PRKCE: variants seen among roughly 807,000 people sequenced by gnomAD.
The protein encoded by PRKCE is protein kinase C epsilon type.
A neutral mutation model predicts 85.4 loss-of-function variants in PRKCE; 16 were observed. That is an observed-to-expected ratio of 0.19 (90% CI 0.13 to 0.28). The LOEUF is 0.28. Among genes scored for constraint, PRKCE ranks in the 10% least tolerant of loss-of-function variants. PRKCE has a pLI of 1.00. For missense variants in PRKCE, 573 were observed against 975.2 expected, an observed-to-expected ratio of 0.59 and a Z score of 5.49; for synonymous variants, 388 against 371.5, an observed-to-expected ratio of 1.04 and a Z score of -0.51.
chr2:46,012,863 G>A (rs1705805369), intron 10 of PRKCE, among the ~76,000 whole-genome samples: 2 of 152,190 alleles, frequency 1.3e-5, no homozygotes, highest in South Asian at 2.1e-4. Context: ...TAACACCAGG[G>A]ATTTCTTTTA....
At chr2:46,035,560 A>G (rs1269122529) in intron 10 of PRKCE, among the ~76,000 whole-genome samples, 1 of 152,038 alleles carries the variant, frequency 6.6e-6, no homozygotes, top group Non-Finnish European at 1.5e-5. Context: ...GAAATGAAAA[A>G]CCATTAGAGG....
At chr2:45,716,077 A>G (rs527384817) in intron 1 of PRKCE, among the ~76,000 whole-genome samples, 2 of 151,930 alleles carry the variant, frequency 1.3e-5, no homozygotes, top group Non-Finnish European at 2.9e-5. Flanking sequence ...CTTTCTCTCC[A>G]TTGTCTTTCT....
At chr2:45,957,245 T>C (rs1159435054) in intron 2 of PRKCE, among the ~76,000 whole-genome samples, 1 of 152,252 alleles carries the variant, frequency 6.6e-6, no homozygotes, top group African/African-American at 2.4e-5. Flanking sequence ...TCCACTGTTT[T>C]ATAGTTTAGG....
At position 46,184,969 on chromosome 2, in the gene PRKCE, T is replaced by A; in HGVS notation, c.*88T>A. The A allele has an allele frequency of 2.0e-6, 3 of 1,516,264 alleles. No homozygotes were observed. Among genetic ancestry groups the A allele is most frequent in the South Asian group, 1.2e-5 (1 of 82,950 alleles). 93.9% of individuals were successfully genotyped at this position (1,516,264 alleles called of 1,614,324 possible). A position where few individuals can be genotyped will look rare whatever the true frequency, so the allele number is the denominator to read the frequency against. ...TGGAGACACTCAGCAGGTCTTGAAC[T>A]ACTTCTCCTCCTCGGAGCCCCAGTC... On this transcript the variant is annotated 3_prime_UTR_variant, in exon 15 of 15. Transcript: ENST00000306156. The surrounding 1 kb of genome is among the most constrained non-coding windows in gnomAD (Gnocchi z 5.0).
chr2:45,953,461 G>A (rs1286112081), intron 2 of PRKCE, among the ~76,000 whole-genome samples: 1 of 152,052 alleles, frequency 6.6e-6, no homozygotes, highest in Non-Finnish European at 1.5e-5. Context: ...TCCCTGAACA[G>A]CCAGCTACCG....
At chr2:46,152,330 C>T (rs1247498391) in intron 13 of PRKCE, among the ~76,000 whole-genome samples, 2 of 151,648 alleles carry the variant, frequency 1.3e-5, no homozygotes, top group East Asian at 1.9e-4. Context: ...TACAGGCACC[C>T]GCCATCATGC....
rs116062923 is a variant in PRKCE at position 45,905,989 on chromosome 2, C to G, written c.412+62926C>G. Among the ~76,000 whole-genome samples the G allele has an allele frequency of 0.049, 7,392 of 152,304 alleles. 197 individuals are homozygous for G. Among genetic ancestry groups the G allele is most frequent in the African/African-American group, 0.067 (2,788 of 41,568 alleles). ...CTTCAGCGGTGATGCGCTTTCAACC[C>G]TCCTCCCCTACCCACATGACCCGGG... On this transcript the variant is annotated intron_variant, in intron 2 of 14. Transcript: ENST00000306156. The surrounding 1 kb of genome is among the most constrained non-coding windows in gnomAD (Gnocchi z 4.4).
In PRKCE at chr2:45,989,264, A is replaced by G. The variant is rs534004207; in HGVS notation, c.823+4584A>G. ...ACGAAGACCTGGCCTGGAGATTCCT[A>G]AAGAATCTTCTTCCTCGCTCCTGCC... On this transcript the variant is annotated intron_variant, in intron 6 of 14. Transcript: ENST00000306156. Among the ~76,000 whole-genome samples the G allele has an allele frequency of 6.6e-5, 10 of 152,302 alleles. No homozygotes were observed. In the South Asian group the frequency reaches 2.1e-3, roughly 32 times the overall value.
intron 11 of PRKCE, among the ~76,000 whole-genome samples, chr2:46,101,267 A>G (rs1239969289): frequency 6.6e-6 from 1 of 152,194 alleles, no homozygotes. Context: ...AGCAATAACA[A>G]TAAGAGTTAT....
At chr2:46,042,839 G>A (rs1188097672) in intron 10 of PRKCE, among the ~76,000 whole-genome samples, 1 of 152,176 alleles carries the variant, frequency 6.6e-6, no homozygotes. Context: ...CAGCATCCTT[G>A]TTCACAGGCA....
At chr2:45,900,721 C>G (rs1032072132) in intron 2 of PRKCE, among the ~76,000 whole-genome samples, 3 of 152,184 alleles carry the variant, frequency 2.0e-5, no homozygotes, top group Non-Finnish European at 4.4e-5. Context: ...TGTGAATGTA[C>G]TTAATACTAA....
At chr2:45,742,735 G>C (rs1318560528) in intron 1 of PRKCE, among the ~76,000 whole-genome samples, 1 of 152,172 alleles carries the variant, frequency 6.6e-6, no homozygotes, top group Non-Finnish European at 1.5e-5. Context: ...CAGTATGGAG[G>C]TTCCTTTAAA....
rs1189642073 is a variant in PRKCE at position 45,980,368 on chromosome 2, A to G, written c.680A>G (p.Glu227Gly). Residue 227 changes from glutamate to glycine, a missense_variant, in exon 5 of 15, where the codon GAG becomes GGG. Glu to Gly is a moderately conservative substitution (Grantham distance 98). Transcript: ENST00000306156. ...AAGTGTGCTGGGTTAAAGAAGCAGGAGACCCCCGACCAGGTAAGTGTTGGT... is the reference window on the plus strand; with the variant it reads ...AAGTGTGCTGGGTTAAAGAAGCAGGGGACCCCCGACCAGGTAAGTGTTGGT... Reference protein sequence around the residue: ...ITKCAGLKKQETPDQVGSQRF... With the variant: ...ITKCAGLKKQGTPDQVGSQRF... 1.3e-6 allele frequency: 2 copies of G among 1,599,708 alleles called. No homozygotes were observed. Among genetic ancestry groups the G allele is most frequent in the Admixed American group, 3.3e-5 (2 of 60,020 alleles).
Position 46,178,058 on chromosome 2 carries a change from G to A in PRKCE, c.2068-6677G>A, listed in dbSNP as rs749443994. Among the ~76,000 whole-genome samples, 148 of 152,192 alleles carry A rather than the reference G, an allele frequency of 9.7e-4. 1 individual carries two copies. Among genetic ancestry groups the A allele is most frequent in the Non-Finnish European group, 7.9e-4 (54 of 68,022 alleles). Reference sequence around the variant, plus strand: ...GTGGGTCACCAGAGGTCAGGAGTTCGAGACCAGCCTGACCAACAGGGAGAT... The same window carrying A: ...GTGGGTCACCAGAGGTCAGGAGTTCAAGACCAGCCTGACCAACAGGGAGAT... On this transcript the variant is annotated intron_variant, in intron 14 of 14. Coordinates refer to ENST00000306156, the MANE Select transcript of PRKCE (RefSeq NM_005400.3).
At chr2:45,910,393 C>G (rs1697298945) in intron 2 of PRKCE, among the ~76,000 whole-genome samples, 1 of 152,148 alleles carries the variant, frequency 6.6e-6, no homozygotes, top group Admixed American at 6.5e-5. Flanking sequence ...CACTTGCCAT[C>G]CAGTGGGGAG....
At chr2:46,123,110 T>C (rs1673479773) in intron 11 of PRKCE, among the ~76,000 whole-genome samples, 1 of 137,402 alleles carries the variant, frequency 7.3e-6, no homozygotes, top group Non-Finnish European at 1.5e-5. Flanking sequence ...GAAATGTATG[T>C]TTAAACTTTA....
chr2:46,021,647 T>C (rs1706672777), intron 10 of PRKCE, among the ~76,000 whole-genome samples: 1 of 152,212 alleles, frequency 6.6e-6, no homozygotes, highest in South Asian at 2.1e-4. Context: ...TAAGGTGTCA[T>C]TTGGTCACAG....
At chr2:46,104,348 A>G (rs1337614489) in intron 11 of PRKCE, among the ~76,000 whole-genome samples, 1 of 100,362 alleles carries the variant, frequency 1.0e-5, no homozygotes, top group Non-Finnish European at 2.0e-5. Context: ...GATTTTCTTG[A>G]TTGGTCTGTT....
At chr2:45,732,482 C>G (rs893365869) in intron 1 of PRKCE, among the ~76,000 whole-genome samples, 2 of 152,060 alleles carry the variant, frequency 1.3e-5, no homozygotes, top group East Asian at 3.9e-4. Context: ...GTTTATTCAT[C>G]CATTGATATC....
Sources: gnomAD v4.1 joint callset for allele counts (sites outside exome capture counted in the v4.1 genomes callset) on GRCh38, gnomAD v4.1.1 for gene constraint, Gnocchi (gnomAD v3.1) non-coding constraint, MANE v1.5 for transcripts, NCBI Gene and HGNC (gene_info 2026-07-23, HGNC 2026-07-21) for gene names.